The following MAST4 variants were observed in gnomAD, a reference collection of about 807,000 sequenced individuals.
MAST4 encodes the protein microtubule associated serine/threonine kinase family member 4.
Under a neutral mutation model 162.7 loss-of-function variants are expected in MAST4, and 89 were observed. That is an observed-to-expected ratio of 0.55 (90% CI 0.46 to 0.65). The LOEUF is 0.65. Ranked by LOEUF, MAST4 falls within the 30% of genes least tolerant of loss-of-function variation. The pLI is 0.00. For synonymous variants in MAST4, 1,479 were observed against 1,361.1 expected, an observed-to-expected ratio of 1.09 and a Z score of -1.91; for missense variants, 3,153 against 3,374.0, an observed-to-expected ratio of 0.93 and a Z score of 1.62.
At chr5:66,739,478 T>G (rs1752356717) in intron 1 of MAST4, among the ~76,000 whole-genome samples, 1 of 151,226 alleles carries the variant, frequency 6.6e-6, no homozygotes, top group Admixed American at 6.6e-5. Flanking sequence ...CTCCAAGGAG[T>G]TTTTAGAAAT....
rs1314840391 is a variant in MAST4, at chr5:67,169,071, A to G, written c.*2020A>G. On this transcript the variant is annotated 3_prime_UTR_variant, in exon 29 of 29. Coordinates refer to ENST00000403625, the MANE Select transcript of MAST4 (RefSeq NM_001164664.2). ...ACTGGTCTCAACGTTTATAATACATATCTGTGTTTGGCAGTTGTCATAACC... is the reference window on the plus strand; with the variant it reads ...ACTGGTCTCAACGTTTATAATACATGTCTGTGTTTGGCAGTTGTCATAACC... The G allele has an allele frequency of 6.6e-6, 1 of 152,288 alleles. No homozygotes were observed. The highest frequency in any genetic ancestry group is 3.4e-3 in the Middle Eastern group (1 of 294). The allele number at this position is 152,288 out of a possible 1,614,324, so 9.4% of individuals were successfully genotyped here. A position where few individuals can be genotyped will look rare whatever the true frequency, so the allele number is the denominator to read the frequency against.
intron 1 of MAST4, among the ~76,000 whole-genome samples, chr5:66,624,829 C>A (rs1744317770): frequency 6.6e-6 from 1 of 152,158 alleles, no homozygotes; most frequent in African/African-American, 2.4e-5. Context: ...AATTGGACGC[C>A]TGTCTCATAC....
Position 66,596,463 on chromosome 5 carries a change from C to A in MAST4, c.-193C>A. 1.6e-6 allele frequency: 1 copy of A among 628,294 alleles called. No individual in the cohort carries two copies. Among genetic ancestry groups the A allele is most frequent in the Non-Finnish European group, 2.3e-6 (1 of 435,684 alleles). The allele number at this position is 628,294 out of a possible 1,614,324, so 38.9% of individuals were successfully genotyped here. On this transcript the variant is annotated 5_prime_UTR_variant, in exon 1 of 29. Transcript: ENST00000403625. ...GCGGGAGCCTCCGTTTGCGGCCGGG[C>A]CCGGGCGGCTGTGAACTTAGCAGCG...
intron 1 of MAST4, among the ~76,000 whole-genome samples, chr5:66,676,882 T>C (rs1747983105): frequency 6.6e-6 from 1 of 152,222 alleles, no homozygotes; most frequent in Non-Finnish European, 1.5e-5. Context: ...TTAAAAGATA[T>C]AAACAAGTTG....
intron 10 of MAST4, among the ~76,000 whole-genome samples, chr5:67,109,503 TCCAAAA>T (rs1765976137): frequency 1.3e-5 from 2 of 152,038 alleles, no homozygotes; most frequent in Admixed American, 6.5e-5. Context: ...TGAAAAAAAA[TCCAAAA>T]GACTTGTGGT....
chr5:67,140,369 G>A (rs930097506), intron 19 of MAST4, among the ~76,000 whole-genome samples: 1 of 152,208 alleles, frequency 6.6e-6, no homozygotes, highest in Non-Finnish European at 1.5e-5. Context: ...TTGTGCATAC[G>A]GACATTGATT....
At chr5:67,061,475 C>A (rs1489611113) in intron 5 of MAST4, among the ~76,000 whole-genome samples, 4 of 149,110 alleles carry the variant, frequency 2.7e-5, no homozygotes, top group African/African-American at 9.8e-5. Context: ...TCACCAGTAT[C>A]CTTTTTCAAT....
intron 15 of MAST4, among the ~76,000 whole-genome samples, chr5:67,130,622 G>A (rs559689166): frequency 2.6e-5 from 4 of 152,178 alleles, no homozygotes; most frequent in South Asian, 4.2e-4. Flanking sequence ...GAAAATTAGC[G>A]CTATCTGGAA....
At chr5:66,633,813 C>A (rs1032621640) in intron 1 of MAST4, among the ~76,000 whole-genome samples, 1 of 152,090 alleles carries the variant, frequency 6.6e-6, no homozygotes, top group Admixed American at 6.5e-5. Flanking sequence ...ACCAGTTCAG[C>A]CTACCAGACA....
At chr5:67,130,612 GA>G (rs984276554) in intron 15 of MAST4, among the ~76,000 whole-genome samples, 194 bp downstream of exon 15, 32 of 152,128 alleles carry the variant, frequency 2.1e-4, no homozygotes, top group Non-Finnish European at 4.6e-4. Context: ...ATAACAAAGA[GA>G]AAATTAGCGC....
intron 5 of MAST4, among the ~76,000 whole-genome samples, chr5:67,078,080 C>T (rs1043085495): frequency 3.3e-5 from 5 of 151,918 alleles, no homozygotes; most frequent in Non-Finnish European, 5.9e-5. Flanking sequence ...GCCTGGGCAA[C>T]GAGGGCAAAA....
In MAST4 at chr5:66,800,285, G is replaced by A. The variant is rs540033370; in HGVS notation, c.642+11491G>A. Among the ~76,000 whole-genome samples, 13 of 152,178 alleles carry A rather than the reference G, an allele frequency of 8.5e-5. No individual in the cohort carries two copies. The East Asian group carries it at 2.5e-3, about 29-fold the overall frequency. ...GATGATGCCTTTAAAAAATAAAAAGGCATTCTTTTAGTTACATTTTGGTAG... is the reference window on the plus strand; with the variant it reads ...GATGATGCCTTTAAAAAATAAAAAGACATTCTTTTAGTTACATTTTGGTAG... On this transcript the variant is annotated intron_variant, in intron 3 of 28. Coordinates refer to ENST00000403625, the MANE Select transcript of MAST4 (RefSeq NM_001164664.2).
intron 3 of MAST4, among the ~76,000 whole-genome samples, chr5:66,790,896 G>GC (rs11454469): frequency 0.5 from 75,271 of 151,946 alleles, 18,892 homozygotes; most frequent in East Asian, 0.66. Context: ...TGACAGAAGT[G>GC]TTTTTTAGCT....
rs34176995 is a variant in MAST4, at chr5:66,615,651, T to TA, written c.363+18645dup. Among the ~76,000 whole-genome samples, 465 of 148,750 alleles carry TA rather than the reference T, an allele frequency of 3.1e-3. 1 individual carries two copies. Among genetic ancestry groups the TA allele is most frequent in the Middle Eastern group, 0.024 (7 of 290 alleles). Reference sequence around the variant, plus strand: ...CAACATAGTAAGACCCAGTCTCCCTTAAAAAAAAAAAATTAGCTGAGTATG... The same window carrying TA: ...CAACATAGTAAGACCCAGTCTCCCTTAAAAAAAAAAAAATTAGCTGAGTATG... On this transcript the variant is annotated intron_variant, in intron 1 of 28. Coordinates refer to ENST00000403625, the MANE Select transcript of MAST4 (RefSeq NM_001164664.2).
intron 4 of MAST4, among the ~76,000 whole-genome samples, chr5:66,952,531 C>T (rs918658887): frequency 2.6e-5 from 4 of 152,152 alleles, no homozygotes; most frequent in Admixed American, 6.5e-5. Context: ...TCCCCTCCCC[C>T]GCCATTAACT....
At chr5:66,629,619 G>A (rs978593917) in intron 1 of MAST4, among the ~76,000 whole-genome samples, 2 of 152,130 alleles carry the variant, frequency 1.3e-5, no homozygotes, top group East Asian at 1.9e-4. Context: ...CTCCCATTCC[G>A]TTGGTATAAA....
rs761157176 is a variant in MAST4, at chr5:67,121,048, A to T, written c.1691A>T (p.Lys564Ile). The change falls in exon 14 of 29, where the codon AAA (lysine) becomes ATA (isoleucine). Residue 564 changes from lysine (K) to isoleucine (I), a missense_variant. Physicochemically the swap from Lys to Ile is moderately radical, Grantham distance 102. Coordinates refer to ENST00000403625, the MANE Select transcript of MAST4 (RefSeq NM_001164664.2). ...AATGCCTCCCTGAAACTTCGAAGGA[A>T]ACCTCGGGAAAGTGATTTTGAAACG... ...SSNASLKLRR[K>I]PRESDFETIK... 3 of 1,611,478 alleles carry T rather than the reference A, an allele frequency of 1.9e-6. No homozygotes were observed. The highest frequency in any genetic ancestry group is 1.7e-6 in the Non-Finnish European group (2 of 1,178,832).
At chr5:66,860,137 C>G (rs1379350295) in intron 3 of MAST4, among the ~76,000 whole-genome samples, 1 of 152,212 alleles carries the variant, frequency 6.6e-6, no homozygotes, top group Non-Finnish European at 1.5e-5. Context: ...CTCCACTTAT[C>G]AGCTCTGTGA....
Position 67,104,358 on chromosome 5 carries a change from C to T in MAST4, c.1147-8C>T. 1 of 1,604,238 alleles carries T rather than the reference C, an allele frequency of 6.2e-7. No individual in the cohort carries two copies. Among genetic ancestry groups the T allele is most frequent in the East Asian group, 2.2e-5 (1 of 44,820 alleles). On this transcript the variant is annotated splice_polypyrimidine_tract_variant and splice_region_variant and intron_variant, in intron 9 of 28. Transcript: ENST00000403625. ...TTACATCTGTGTATGTGTGTCTTCT[C>T]TATATAGGCTACAGCTCAGATGGAA...
Sources: allele counts gnomAD v4.1 joint callset (sites outside exome capture counted in the v4.1 genomes callset), GRCh38; gene constraint gnomAD v4.1.1; transcripts MANE v1.5; gene names NCBI Gene and HGNC (gene_info 2026-07-23, HGNC 2026-07-21).